NXPH1: variants seen among roughly 807,000 people sequenced by gnomAD.
The protein encoded by NXPH1 is neurexophilin 1.
Under a neutral mutation model 23.7 loss-of-function variants are expected in NXPH1, and 5 were observed. That is an observed-to-expected ratio of 0.21 (90% confidence interval 0.11 to 0.44). NXPH1 has a LOEUF of 0.44. Ranked by LOEUF, NXPH1 falls within the 20% of genes least tolerant of loss-of-function variation. NXPH1 has a pLI of 0.99. For missense variants in NXPH1, 324 were observed against 321.6 expected (o/e 1.01, Z -0.06); for synonymous variants, 144 against 122.2 (o/e 1.18, Z -1.18).
intron 2 of NXPH1, among the ~76,000 whole-genome samples, chr7:8,651,214 A>G (rs1159499826): frequency 1.3e-5 from 1 of 74,586 alleles, no homozygotes; most frequent in Non-Finnish European, 3.0e-5. Flanking sequence ...GAGTGAGAAT[A>G]TGCGGTGTTT....
chr7:8,706,379 C>G (rs576827282), intron 2 of NXPH1, among the ~76,000 whole-genome samples: 13 of 152,192 alleles, frequency 8.5e-5, no homozygotes, highest in Non-Finnish European at 1.5e-4. Context: ...TACATATAAT[C>G]CTTCTGCATT....
chr7:8,480,483 A>G (rs1817054372), intron 2 of NXPH1, among the ~76,000 whole-genome samples: 1 of 152,174 alleles, frequency 6.6e-6, no homozygotes, highest in Admixed American at 6.5e-5. Context: ...TGGAATCCAG[A>G]ATTATTCTGC....
chr7:8,586,547 T>C (rs1298413023), intron 2 of NXPH1, among the ~76,000 whole-genome samples: 1 of 151,124 alleles, frequency 6.6e-6, no homozygotes, highest in African/African-American at 2.4e-5. Context: ...TAGAGCCAAA[T>C]AGCCAAGGTA....
intron 2 of NXPH1, among the ~76,000 whole-genome samples, chr7:8,702,850 A>AT (rs1562459343): frequency 1.3e-5 from 2 of 152,016 alleles, no homozygotes; most frequent in South Asian, 2.1e-4. Context: ...ACTCCATGAA[A>AT]CTTTTCTGAT....
rs575619531 is a variant in NXPH1, at chr7:8,442,439, T to C, written c.54+6672T>C. Reference sequence around the variant, plus strand: ...GGATTCTGAAGCGAAGGATCCTAGCTGCCGCGGCTAAGGGCGCAGGGGGAG... The same window carrying C: ...GGATTCTGAAGCGAAGGATCCTAGCCGCCGCGGCTAAGGGCGCAGGGGGAG... On this transcript the variant is annotated intron_variant, in intron 2 of 2. Transcript: ENST00000405863. The surrounding 1 kb of genome is among the most constrained non-coding windows in gnomAD (Gnocchi z 4.6). Among the ~76,000 whole-genome samples the C allele has an allele frequency of 6.6e-6, 1 of 152,300 alleles. No homozygotes were observed. The highest frequency in any genetic ancestry group is 2.1e-4 in the South Asian group (1 of 4,826).
intron 2 of NXPH1, among the ~76,000 whole-genome samples, chr7:8,454,364 G>C (rs950180226): frequency 6.6e-6 from 1 of 152,076 alleles, no homozygotes; most frequent in South Asian, 2.1e-4. Context: ...CAATGTCTTA[G>C]GTGTTCAGAG....
chr7:8,675,620 C>T (rs942973949), intron 2 of NXPH1, among the ~76,000 whole-genome samples: 12 of 152,184 alleles, frequency 7.9e-5, no homozygotes, highest in Middle Eastern at 3.4e-3. Context: ...AGACAACTTC[C>T]GTACAATATG....
At chr7:8,474,484 T>A (rs1816933923) in intron 2 of NXPH1, among the ~76,000 whole-genome samples, 1 of 152,142 alleles carries the variant, frequency 6.6e-6, no homozygotes, top group South Asian at 2.1e-4. Context: ...CATCTTTCTG[T>A]CTTCTTGGCC....
In NXPH1 at chr7:8,707,777, C is replaced by G. The variant is rs193066144; in HGVS notation, c.55-43231C>G. On this transcript the variant is annotated intron_variant, in intron 2 of 2. Coordinates refer to ENST00000405863, the MANE Select transcript of NXPH1 (RefSeq NM_152745.3). ...TAACCTCCCTGAGCTTTGATTTCTTCTCTTCTAAAACTAGGCCTCTTTTAA... is the reference window on the plus strand; with the variant it reads ...TAACCTCCCTGAGCTTTGATTTCTTGTCTTCTAAAACTAGGCCTCTTTTAA... Among the ~76,000 whole-genome samples the G allele has an allele frequency of 1.2e-4, 19 of 152,188 alleles. No homozygotes were observed. In the East Asian group the frequency reaches 3.5e-3, roughly 28 times the overall value.
At chr7:8,665,918 CTTTTTTT>C (rs869056537) in intron 2 of NXPH1, among the ~76,000 whole-genome samples, 1 of 27,668 alleles carries the variant, frequency 3.6e-5, no homozygotes, top group African/African-American at 7.4e-5. Flanking sequence ...TTTTCTTTTT[CTTTTTTT>C]TTTTTTTTTG....
chr7:8,567,893 A>C lies in NXPH1; in HGVS notation c.54+132126A>C, dbSNP rs112776334. Reference sequence around the variant, plus strand: ...TCAGTGCGGCACTTAACAGAATCATAGGCAGTCTGAGCTAGGAGTGGCCTT... The same window carrying C: ...TCAGTGCGGCACTTAACAGAATCATCGGCAGTCTGAGCTAGGAGTGGCCTT... On this transcript the variant is annotated intron_variant, in intron 2 of 2. Transcript: ENST00000405863. Among the ~76,000 whole-genome samples the C allele has an allele frequency of 6.6e-3, 1,001 of 152,024 alleles. 11 individuals carry two copies. Among genetic ancestry groups the C allele is most frequent in the African/African-American group, 0.023 (958 of 41,508 alleles).
chr7:8,658,415 T>C (rs892061100), intron 2 of NXPH1, among the ~76,000 whole-genome samples: 4 of 152,228 alleles, frequency 2.6e-5, no homozygotes, highest in African/African-American at 9.6e-5. Context: ...TTTCCCTTGG[T>C]TCACAACTTA....
intron 2 of NXPH1, among the ~76,000 whole-genome samples, chr7:8,445,688 C>G (rs1167623842): frequency 6.6e-6 from 1 of 152,198 alleles, no homozygotes; most frequent in Non-Finnish European, 1.5e-5. Flanking sequence ...CACATATACA[C>G]AAAGCAAAGC....
At chr7:8,507,448 C>G (rs141067376) in intron 2 of NXPH1, among the ~76,000 whole-genome samples, 1 of 149,412 alleles carries the variant, frequency 6.7e-6, no homozygotes, top group Non-Finnish European at 1.5e-5. Flanking sequence ...ATGAGCTATA[C>G]TATTATTATC....
intron 2 of NXPH1, among the ~76,000 whole-genome samples, chr7:8,719,654 G>C (rs1779933542): frequency 6.6e-6 from 1 of 152,088 alleles, no homozygotes; most frequent in Admixed American, 6.5e-5. Flanking sequence ...CCATAAAAAA[G>C]GCATCTGCCT....
At chr7:8,691,785 A>C (rs1257972446) in intron 2 of NXPH1, among the ~76,000 whole-genome samples, 1 of 152,204 alleles carries the variant, frequency 6.6e-6, no homozygotes, top group Non-Finnish European at 1.5e-5. Context: ...AATGGAGTTT[A>C]AATTTTAAAT....
At chr7:8,491,812 A>G (rs367911252) in intron 2 of NXPH1, among the ~76,000 whole-genome samples, 32 of 152,198 alleles carry the variant, frequency 2.1e-4, no homozygotes, top group African/African-American at 6.3e-4. Flanking sequence ...GATCACATTC[A>G]GCATGCCAAA....
In NXPH1 at chr7:8,710,640, G is replaced by GGTTTTTTTTTTTTTTTTTTTTTTTTT. The variant is rs1376868557; in HGVS notation, c.55-40368_55-40367insGTTTTTTTTTTTTTTTTTTTTTTTTT. On this transcript the variant is annotated intron_variant, in intron 2 of 2. Transcript: ENST00000405863. ...TTGAACAAAGCATGTCAACTGTTAC[G>GGTTTTTTTTTTTTTTTTTTTTTTTTT]TTTTTTGTTTTTTTTTTTTTTTTTT... Among the ~76,000 whole-genome samples, 2 of 27,672 alleles carry GGTTTTTTTTTTTTTTTTTTTTTTTTT rather than the reference G, an allele frequency of 7.2e-5. 1 individual carries two copies. The highest frequency in any genetic ancestry group is 3.2e-4 in the African/African-American group (2 of 6,236). 18.2% of individuals were successfully genotyped at this position (27,672 alleles called of 152,430 possible). A position where few individuals can be genotyped will look rare whatever the true frequency, so the allele number is the denominator to read the frequency against.
At chr7:8,609,416 C>A (rs916551370) in intron 2 of NXPH1, among the ~76,000 whole-genome samples, 1 of 151,944 alleles carries the variant, frequency 6.6e-6, no homozygotes, top group African/African-American at 2.4e-5. Flanking sequence ...GAAGAGAAAC[C>A]CAAGACTTAG....
Sources: gnomAD v4.1 joint callset for allele counts (sites outside exome capture counted in the v4.1 genomes callset) on GRCh38, gnomAD v4.1.1 for gene constraint, Gnocchi (gnomAD v3.1) non-coding constraint, MANE v1.5 for transcripts, NCBI Gene and HGNC (gene_info 2026-07-23, HGNC 2026-07-21) for gene names.